WNT3A: variants seen among roughly 807,000 people sequenced by gnomAD.
The protein encoded by WNT3A is protein Wnt-3a.
WNT3A carries 17 observed loss-of-function variants against 37.0 expected under a neutral mutation model. The ratio of observed to expected loss-of-function variants is 0.46; its 90% CI spans 0.31 to 0.69. The LOEUF (loss-of-function observed/expected upper bound fraction) is 0.69, where lower values mean the gene tolerates loss of function less well. Ranked by LOEUF, WNT3A falls within the 30% of genes least tolerant of loss-of-function variation. WNT3A has a pLI of 0.05. For missense variants in WNT3A, 411 were observed against 510.2 expected (o/e 0.81, Z 1.87); for synonymous variants, 187 against 211.0 (o/e 0.89, Z 0.99).
Position 228,031,089 on chromosome 1 carries a change from C to A in WNT3A, c.313+8181C>A, listed in dbSNP as rs1391221485. Among the ~76,000 whole-genome samples the A allele has an allele frequency of 6.6e-6, 1 of 152,222 alleles. No homozygotes were observed. The highest frequency in any genetic ancestry group is 2.4e-5 in the African/African-American group (1 of 41,476). ...CCAGCATCCAGTGGCCATGGCCACG[C>A]CCCAGCCCTCATCACGGGCCTGTGT... On this transcript the variant is annotated intron_variant, in intron 2 of 3. Transcript: ENST00000284523. The surrounding 1 kb of genome is among the most constrained non-coding windows in gnomAD (Gnocchi z 4.8).
At chr1:228,028,592 G>A (rs572286042) in intron 2 of WNT3A, among the ~76,000 whole-genome samples, 2 of 152,184 alleles carry the variant, frequency 1.3e-5, no homozygotes, top group Admixed American at 6.5e-5. Context: ...TCAAAGTGCT[G>A]GGATTACAGG....
Position 228,037,146 on chromosome 1 carries a change from G to C in WNT3A, c.314-13510G>C, listed in dbSNP as rs925862338. Among the ~76,000 whole-genome samples, 2 of 152,092 alleles carry C rather than the reference G, an allele frequency of 1.3e-5. No individual in the cohort carries two copies. Among genetic ancestry groups the C allele is most frequent in the Non-Finnish European group, 2.9e-5 (2 of 67,988 alleles). ...CCAGTGGACACTTCCCAGAGCCCTG[G>C]GGTTTGCTTCTTCGTACCCAGTGTG... On this transcript the variant is annotated intron_variant, in intron 2 of 3. Transcript: ENST00000284523. The surrounding 1 kb of genome is among the most constrained non-coding windows in gnomAD (Gnocchi z 4.1).
rs2030228646 is a variant in WNT3A, at chr1:228,007,349, G to T, written c.71+150G>T. On this transcript the variant is annotated intron_variant, in intron 1 of 3. Coordinates refer to ENST00000284523, the MANE Select transcript of WNT3A (RefSeq NM_033131.4). This position sits in a 1 kb window ranked among gnomAD's most constrained non-coding sequence, Gnocchi z 6.0. ...CCGCGGGCGGTTGGTTTTCCTTGAC[G>T]GCCACTTTGGACCTGTTCAGGCCGC... 3 of 706,192 alleles carry T rather than the reference G, an allele frequency of 4.2e-6. No homozygotes were observed. The highest frequency in any genetic ancestry group is 3.7e-5 in the Admixed American group (1 of 26,958). The allele number at this position is 706,192 out of a possible 1,614,324, so 43.7% of individuals were successfully genotyped here.
At chr1:228,052,664 G>C (rs1025333314) in intron 3 of WNT3A, among the ~76,000 whole-genome samples, 10 of 152,216 alleles carry the variant, frequency 6.6e-5, no homozygotes, top group Admixed American at 2.0e-4. Context: ...ACAGAGGGGT[G>C]ACGAGTGAAC....
intron 2 of WNT3A, among the ~76,000 whole-genome samples, chr1:228,035,766 T>G (rs1482435863): frequency 6.6e-6 from 1 of 152,144 alleles, no homozygotes; most frequent in Non-Finnish European, 1.5e-5. Flanking sequence ...TGCCGGCCTC[T>G]CTGCAAAGGG....
At chr1:228,030,634 C>T (rs2030979525) in intron 2 of WNT3A, among the ~76,000 whole-genome samples, 1 of 152,066 alleles carries the variant, frequency 6.6e-6, no homozygotes, top group Non-Finnish European at 1.5e-5. Context: ...TTAGAGCAGC[C>T]CACACGGACT....
At position 228,008,193 on chromosome 1, in the gene WNT3A, G is replaced by T. The variant is rs561405316; in HGVS notation, c.71+994G>T. Among the ~76,000 whole-genome samples the T allele has an allele frequency of 6.6e-6, 1 of 152,158 alleles. No individual in the cohort carries two copies. The highest frequency in any genetic ancestry group is 2.4e-5 in the African/African-American group (1 of 41,424). ...TGCCCAAGATTGAGGAACACAAGTG[G>T]GAGGAATGTGGGCGCGCAGGGCCGG... is the stretch of plus-strand genomic sequence containing the variant. On this transcript the variant is annotated intron_variant, in intron 1 of 3. Transcript: ENST00000284523. This position sits in a 1 kb window ranked among gnomAD's most constrained non-coding sequence, Gnocchi z 4.9.
At chr1:228,046,767 GGTGTGCATGT>G (rs551414089) in intron 2 of WNT3A, among the ~76,000 whole-genome samples, 183 of 149,324 alleles carry the variant, frequency 1.2e-3, no homozygotes, top group Middle Eastern at 0.012. Context: ...TGTGTGGTGG[GGTGTGCATGT>G]GTGTGCATGC....
intron 1 of WNT3A, among the ~76,000 whole-genome samples, chr1:228,018,152 G>A (rs73110744): frequency 0.017 from 2,592 of 152,200 alleles, 86 homozygotes; most frequent in African/African-American, 0.058. Context: ...CGAAGACGGG[G>A]TTCTCATTCA....
intron 1 of WNT3A, among the ~76,000 whole-genome samples, chr1:228,010,780 T>C (rs907611814): frequency 2.6e-5 from 4 of 152,064 alleles, no homozygotes; most frequent in African/African-American, 9.7e-5. Context: ...CCCTCCAGGG[T>C]CTCCCTCACA....
chr1:228,034,139 G>C (rs1016595187), intron 2 of WNT3A, among the ~76,000 whole-genome samples: 1 of 152,124 alleles, frequency 6.6e-6, no homozygotes, highest in Non-Finnish European at 1.5e-5. Context: ...GCACATGCCT[G>C]TAGTCCCAGC....
intron 1 of WNT3A, among the ~76,000 whole-genome samples, chr1:228,015,429 C>T (rs1410540241): frequency 6.6e-6 from 1 of 152,188 alleles, no homozygotes; most frequent in African/African-American, 2.4e-5. Flanking sequence ...GGCAGCTGGA[C>T]GTGGGAAACA....
chr1:228,051,026 C>T, intron 3 of WNT3A, 105 bp downstream of exon 3: 1 of 1,376,596 alleles, frequency 7.3e-7, no homozygotes, highest in South Asian at 1.5e-5. Flanking sequence ...GGATGGTGGC[C>T]AGGCTGAGGG....
chr1:228,018,970 C>T (rs1026950993), intron 1 of WNT3A, among the ~76,000 whole-genome samples: 5 of 152,238 alleles, frequency 3.3e-5, no homozygotes, highest in African/African-American at 1.2e-4. Context: ...CATCCTGACC[C>T]CAAATCCACA....
intron 2 of WNT3A, among the ~76,000 whole-genome samples, chr1:228,040,430 C>T (rs1194821670): frequency 1.3e-5 from 2 of 152,174 alleles, no homozygotes; most frequent in African/African-American, 4.8e-5. Flanking sequence ...GGTCACCTCC[C>T]CATGGTAAGG....
intron 2 of WNT3A, among the ~76,000 whole-genome samples, chr1:228,045,575 T>C (rs995235597): frequency 2.6e-5 from 4 of 152,184 alleles, no homozygotes; most frequent in African/African-American, 9.7e-5. Context: ...AGAGAGGAAG[T>C]GCTCTGCATC....
intron 2 of WNT3A, among the ~76,000 whole-genome samples, chr1:228,029,635 C>T (rs541349589): frequency 7.9e-5 from 12 of 152,318 alleles, no homozygotes; most frequent in African/African-American, 2.4e-4. Context: ...CATTTTATAA[C>T]GGACAACCCC....
intron 3 of WNT3A, among the ~76,000 whole-genome samples, chr1:228,057,793 A>T (rs1405546640): frequency 6.6e-6 from 1 of 152,258 alleles, no homozygotes; most frequent in Non-Finnish European, 1.5e-5. Context: ...TCTAGTAGCC[A>T]CATTTAAAGA....
intron 1 of WNT3A, among the ~76,000 whole-genome samples, chr1:228,021,385 G>A (rs893345882): frequency 2.0e-5 from 3 of 152,242 alleles, no homozygotes; most frequent in African/African-American, 7.2e-5. Flanking sequence ...AAAACGAGGA[G>A]TGAGGTTGCC....
Sources: allele counts gnomAD v4.1 joint callset (sites outside exome capture counted in the v4.1 genomes callset), GRCh38; gene constraint gnomAD v4.1.1; non-coding constraint Gnocchi (gnomAD v3.1); transcripts MANE v1.5; gene names NCBI Gene and HGNC (gene_info 2026-07-23, HGNC 2026-07-21).